VWA3B: variants seen among roughly 807,000 people sequenced by gnomAD.
The protein encoded by VWA3B is von Willebrand factor A domain-containing protein 3B.
Under a neutral mutation model 158.3 loss-of-function variants are expected in VWA3B, and 138 were observed. That is an observed-to-expected ratio of 0.87 (90% CI 0.76 to 1.00). The LOEUF is 1.00. Among genes scored for constraint, VWA3B ranks in the 50% least tolerant of loss-of-function variants. VWA3B has a pLI of 0.00. For synonymous variants in VWA3B, 596 were observed against 587.3 expected, an observed-to-expected ratio of 1.01 and a Z score of -0.21; for missense variants, 1,555 against 1,565.1, an observed-to-expected ratio of 0.99 and a Z score of 0.11.
At chr2:98,164,978 G>A (rs1005154021) in intron 8 of VWA3B, among the ~76,000 whole-genome samples, 1 of 152,134 alleles carries the variant, frequency 6.6e-6, no homozygotes. Flanking sequence ...TCTGCACAAC[G>A]ACTATCATAA....
intron 22 of VWA3B, among the ~76,000 whole-genome samples, chr2:98,282,373 A>G (rs933025103): frequency 2.0e-5 from 3 of 152,154 alleles, no homozygotes; most frequent in Admixed American, 2.0e-4. Context: ...AATCAACCAG[A>G]AATGAATTCT....
At chr2:98,319,744 G>A in the VWA3B span, among the ~76,000 whole-genome samples, 225 of 152,076 alleles carry the variant, frequency 1.5e-3, no homozygotes, top group Non-Finnish European at 2.7e-3. Context: ...GCCATGCATG[G>A]TGGTGCATGC....
chr2:98,098,945 G>A (rs1029917808), intron 2 of VWA3B, among the ~76,000 whole-genome samples: 1 of 152,044 alleles, frequency 6.6e-6, no homozygotes, highest in African/African-American at 2.4e-5. Context: ...ATTTTAAGCT[G>A]ATAACAAGTT....
At position 98,193,126 on chromosome 2, in the gene VWA3B, C is replaced by T; in HGVS notation, c.1605+90C>T. ...TAGGGGCTTGTTGCTCTAAAAAATT[C>T]CTAAGAAAGCCAAATTCAGAGAAGT... On this transcript the variant is annotated intron_variant, in intron 11 of 27. Transcript: ENST00000477737. The T allele has an allele frequency of 2.0e-6, 3 of 1,476,950 alleles. No individual in the cohort carries two copies. The South Asian group carries it at 4.2e-5, about 21-fold the overall frequency. The allele number at this position is 1,476,950 out of a possible 1,614,324, so 91.5% of individuals were successfully genotyped here. A position where few individuals can be genotyped will look rare whatever the true frequency, so the allele number is the denominator to read the frequency against.
intron 2 of VWA3B, among the ~76,000 whole-genome samples, chr2:98,106,739 A>G (rs942720025): frequency 5.9e-5 from 9 of 152,136 alleles, no homozygotes; most frequent in African/African-American, 1.4e-4. Context: ...TTAACCTTCT[A>G]TCTTGTGATC....
intron 19 of VWA3B, among the ~76,000 whole-genome samples, chr2:98,246,114 T>C (rs1686376379): frequency 6.6e-6 from 1 of 152,158 alleles, no homozygotes; most frequent in African/African-American, 2.4e-5. Context: ...ATTAAATATA[T>C]GTAGTTTTTA....
intron 19 of VWA3B, among the ~76,000 whole-genome samples, chr2:98,240,475 T>C (rs548811306): frequency 3.3e-5 from 5 of 152,336 alleles, no homozygotes; most frequent in African/African-American, 9.6e-5. Flanking sequence ...TCAAGTCAGA[T>C]GGCTGGACCC....
At position 98,121,887 on chromosome 2, in the gene VWA3B, A is replaced by C. The variant is rs567407498; in HGVS notation, c.702+429A>C. On this transcript the variant is annotated intron_variant, in intron 5 of 27. Coordinates refer to ENST00000477737, the MANE Select transcript of VWA3B (RefSeq NM_144992.5). ...AGAGAGATTGGAAGACTCCTCATAG[A>C]ACCCTGAGGATGAGGAAATAAGGTT... 4 of 159,754 alleles carry C rather than the reference A, an allele frequency of 2.5e-5. No homozygotes were observed. The South Asian group carries it at 7.5e-4, about 30-fold the overall frequency. The allele number at this position is 159,754 out of a possible 1,614,324, so 9.9% of individuals were successfully genotyped here.
chr2:98,137,239 T>C (rs559890493), intron 7 of VWA3B, among the ~76,000 whole-genome samples: 5 of 152,348 alleles, frequency 3.3e-5, no homozygotes, highest in East Asian at 3.9e-4. Context: ...CTGTTTTCCA[T>C]AGTGGCTGTA....
At chr2:98,113,047 TTA>T (rs150607114) in intron 2 of VWA3B, among the ~76,000 whole-genome samples, 32 of 150,624 alleles carry the variant, frequency 2.1e-4, no homozygotes, top group African/African-American at 6.8e-4. Flanking sequence ...CCCTCCAACA[TTA>T]TATATATATA....
At chr2:98,111,726 C>A (rs1674144126) in intron 2 of VWA3B, among the ~76,000 whole-genome samples, 1 of 152,136 alleles carries the variant, frequency 6.6e-6, no homozygotes, top group African/African-American at 2.4e-5. Context: ...ATGTCTTTTG[C>A]CCATTTTTAA....
chr2:98,256,107 CT>C lies in VWA3B; in HGVS notation c.2793-6del, dbSNP rs199787027. 0.02 allele frequency: 19,599 copies of C among 1,002,876 alleles called. No homozygotes were observed. Among genetic ancestry groups the C allele is most frequent in the South Asian group, 0.042 (2,225 of 52,664 alleles). The allele number at this position is 1,002,876 out of a possible 1,614,324, so 62.1% of individuals were successfully genotyped here. On this transcript the variant is annotated splice_polypyrimidine_tract_variant and intron_variant, in intron 20 of 27. Coordinates refer to ENST00000477737, the MANE Select transcript of VWA3B (RefSeq NM_144992.5). ...AGTACTGCTACAAAATTATTGTTGA[CT>C]TTTTTTTTTTAACAGGCGCTTGAAT... is the stretch of plus-strand genomic sequence containing the variant.
chr2:98,175,889 T>C (rs1288201183), intron 8 of VWA3B, among the ~76,000 whole-genome samples: 1 of 152,200 alleles, frequency 6.6e-6, no homozygotes, highest in African/African-American at 2.4e-5. Context: ...CTCCTCCCCA[T>C]TTCTTGGCTC....
intron 2 of VWA3B, among the ~76,000 whole-genome samples, chr2:98,106,617 T>A (rs1386896533): frequency 6.6e-6 from 1 of 152,208 alleles, no homozygotes; most frequent in Non-Finnish European, 1.5e-5. Context: ...TTTTGTTAGA[T>A]TTATACCTAA....
rs1199495599 is a variant in VWA3B at position 98,234,443 on chromosome 2, T to G, written c.2309-205T>G. Among the ~76,000 whole-genome samples, 14 of 152,174 alleles carry G rather than the reference T, an allele frequency of 9.2e-5. 1 individual carries two copies. The highest frequency in any genetic ancestry group is 2.1e-4 in the Non-Finnish European group (14 of 68,020). ...AGCCTGAATGAGTGTGGAAGCTGAC[T>G]TCTCTCCAGGAGGGGTCCAGCTGAA... On this transcript the variant is annotated intron_variant, in intron 16 of 27. Transcript: ENST00000477737.
rs778329251 is a variant in VWA3B, at chr2:98,250,448, T to C, written c.2792+12T>C. The C allele has an allele frequency of 2.5e-6, 4 of 1,570,768 alleles. No individual in the cohort carries two copies. Among genetic ancestry groups the C allele is most frequent in the Admixed American group, 3.5e-5 (2 of 56,408 alleles). On this transcript the variant is annotated intron_variant, in intron 20 of 27. Transcript: ENST00000477737. ...CAATCCTATGAAAAGTGAGTATTAC[T>C]CTTGGCTGCTCTTTAATGGATGTGG...
In VWA3B at chr2:98,197,660, G is replaced by A. The variant is rs1256404145; in HGVS notation, c.1737+3168G>A. ...CTCATGGAAATTTATTTTATTCTTG[G>A]AGTTATAATCTAATACTATCATTAT... is the stretch of plus-strand genomic sequence containing the variant. On this transcript the variant is annotated intron_variant, in intron 12 of 27. Transcript: ENST00000477737. 4.0e-5 allele frequency among the ~76,000 whole-genome samples: 6 copies of A among 151,834 alleles called. 1 individual carries two copies. In the East Asian group the frequency reaches 1.2e-3, roughly 29 times the overall value.
At chr2:98,165,269 T>G (rs796660746) in intron 8 of VWA3B, among the ~76,000 whole-genome samples, 37 of 152,374 alleles carry the variant, frequency 2.4e-4, no homozygotes, top group African/African-American at 7.9e-4. Flanking sequence ...CTGCTAGTAT[T>G]ATCTCCGTTT....
At chr2:98,180,363 T>C (rs1239837017) in intron 8 of VWA3B, among the ~76,000 whole-genome samples, 3 of 152,202 alleles carry the variant, frequency 2.0e-5, no homozygotes, top group East Asian at 1.9e-4. Context: ...GGCTAATTTT[T>C]GTATTTTTGG....
Sources: allele counts gnomAD v4.1 joint callset (sites outside exome capture counted in the v4.1 genomes callset), GRCh38; gene constraint gnomAD v4.1.1; transcripts MANE v1.5; gene names NCBI Gene and HGNC (gene_info 2026-07-23, HGNC 2026-07-21).